NCOA7: variants seen among roughly 807,000 people sequenced by gnomAD.
NCOA7 encodes 140 kDa estrogen receptor-associated protein.
NCOA7 carries 45 observed loss-of-function variants against 104.3 expected under a neutral mutation model. That is an observed-to-expected ratio of 0.43 (90% CI 0.34 to 0.55). NCOA7 has a LOEUF of 0.55. NCOA7 is among the 20% of genes least tolerant of loss of function. NCOA7 has a pLI of 0.02. For missense variants in NCOA7, 1,041 were observed against 1,119.7 expected, an observed-to-expected ratio of 0.93 and a Z score of 1.00; for synonymous variants, 398 against 402.3, an observed-to-expected ratio of 0.99 and a Z score of 0.13.
chr6:125,783,118 A>C (rs1774300898), intron 1 of NCOA7, among the ~76,000 whole-genome samples: 1 of 152,136 alleles, frequency 6.6e-6, no homozygotes, highest in Admixed American at 6.5e-5. Flanking sequence ...CAACATCTTG[A>C]CTTTAGCCCA....
At chr6:125,906,913 A>G (rs555993581) in intron 10 of NCOA7, among the ~76,000 whole-genome samples, 1 of 152,348 alleles carries the variant, frequency 6.6e-6, no homozygotes, top group South Asian at 2.1e-4. Context: ...CTATGAAGTC[A>G]TATCCTCTCC....
intron 10 of NCOA7, among the ~76,000 whole-genome samples, chr6:125,891,900 C>T (rs1784650561): frequency 6.6e-6 from 1 of 152,172 alleles, no homozygotes; most frequent in African/African-American, 2.4e-5. Flanking sequence ...CCTGCAGCCC[C>T]CACAGCATCT....
chr6:125,880,478 A>G (rs1783732261), intron 5 of NCOA7, among the ~76,000 whole-genome samples: 1 of 149,890 alleles, frequency 6.7e-6, no homozygotes, highest in African/African-American at 2.5e-5. Context: ...ATACTTACCC[A>G]CCTTGCTCTC....
At chr6:125,821,284 A>G (rs1778153032) in intron 2 of NCOA7, among the ~76,000 whole-genome samples, 1 of 152,198 alleles carries the variant, frequency 6.6e-6, no homozygotes, top group Admixed American at 6.5e-5. Flanking sequence ...TCATCCCTAA[A>G]TATAATTTGA....
chr6:125,790,106 G>GT (rs1417771057), upstream of NCOA7, among the ~76,000 whole-genome samples: 3 of 152,334 alleles, frequency 2.0e-5, no homozygotes, highest in East Asian at 3.9e-4. Flanking sequence ...TCTTATTGCT[G>GT]TAATGACTGC....
chr6:125,861,309 A>T (rs913714206), intron 3 of NCOA7, among the ~76,000 whole-genome samples: 2 of 150,472 alleles, frequency 1.3e-5, no homozygotes, highest in African/African-American at 5.0e-5. Flanking sequence ...CTAACTACAC[A>T]TGTGAAGATT....
chr6:125,872,233 A>G (rs777868477), intron 3 of NCOA7, among the ~76,000 whole-genome samples: 1 of 152,204 alleles, frequency 6.6e-6, no homozygotes, highest in Non-Finnish European at 1.5e-5. Context: ...AGTTAAGTTT[A>G]TCCTGAAAGG....
intron 2 of NCOA7, among the ~76,000 whole-genome samples, chr6:125,836,369 G>C (rs1779609332): frequency 6.6e-6 from 1 of 152,120 alleles, no homozygotes; most frequent in African/African-American, 2.4e-5. Flanking sequence ...GGGACCCTTT[G>C]ATGTAGATGA....
intron 11 of NCOA7, among the ~76,000 whole-genome samples, chr6:125,916,150 A>C (rs1199398608): frequency 6.6e-6 from 1 of 152,108 alleles, no homozygotes; most frequent in Admixed American, 6.5e-5. Flanking sequence ...CATGATAGTG[A>C]GGGAGTTCTC....
chr6:125,928,928 T>C lies in NCOA7; in HGVS notation c.*157T>C. 1 of 790,916 alleles carries C rather than the reference T, an allele frequency of 1.3e-6. No individual in the cohort carries two copies. The highest frequency in any genetic ancestry group is 1.8e-5 in the African/African-American group (1 of 56,342). 49.0% of individuals were successfully genotyped at this position (790,916 alleles called of 1,614,324 possible). ...AGAGCATGATCACATTGCAGAAAGA[T>C]TCTGGAAGGTCCATGTAGAGGGCAG... On this transcript the variant is annotated 3_prime_UTR_variant, in exon 16 of 16. Coordinates refer to ENST00000392477, the MANE Select transcript of NCOA7 (RefSeq NM_181782.5).
At chr6:125,794,945 C>T (rs890259761) in intron 1 of NCOA7, among the ~76,000 whole-genome samples, 1 of 151,558 alleles carries the variant, frequency 6.6e-6, no homozygotes, top group Non-Finnish European at 1.5e-5. Flanking sequence ...CTGACCTTCG[C>T]GTCAGTGATT....
chr6:125,811,479 T>C lies in NCOA7; in HGVS notation c.-64-3812T>C, dbSNP rs535177910. On this transcript the variant is annotated intron_variant, in intron 1 of 15. Transcript: ENST00000392477. ...GCCTTGCAGTAAGTTATAGGTGATA[T>C]ATGAAATAAGCTCTTTAGGGGAGAG... 7.2e-5 allele frequency among the ~76,000 whole-genome samples: 11 copies of C among 152,282 alleles called. No homozygotes were observed. The East Asian group carries it at 1.9e-3, about 27-fold the overall frequency.
chr6:125,781,307 T>C (rs1478026832), exon 1 of NCOA7: 1 of 152,238 alleles, frequency 6.6e-6, no homozygotes, highest in Non-Finnish European at 1.5e-5. Context: ...AAATTTGTAA[T>C]GAACTTGCTC....
At chr6:125,904,211 G>T (rs941054677) in intron 10 of NCOA7, among the ~76,000 whole-genome samples, 1 of 152,048 alleles carries the variant, frequency 6.6e-6, no homozygotes, top group Non-Finnish European at 1.5e-5. Context: ...GGTAAGTCTT[G>T]TTCTTTTATT....
chr6:125,792,255 C>G (rs922859496), intron 1 of NCOA7, among the ~76,000 whole-genome samples: 1 of 152,146 alleles, frequency 6.6e-6, no homozygotes, highest in African/African-American at 2.4e-5. Context: ...AATAGGCAAA[C>G]TCAGTTATTT....
At chr6:125,790,316 C>A (rs1774708535), upstream of NCOA7, among the ~76,000 whole-genome samples, 1 of 152,240 alleles carries the variant, frequency 6.6e-6, no homozygotes, top group African/African-American at 2.4e-5. Flanking sequence ...TTACTTCCCA[C>A]GAAGAGTAGG....
In NCOA7 at chr6:125,890,597, C is replaced by T. The variant is rs548400680; in HGVS notation, c.1928-45C>T. The T allele has an allele frequency of 6.5e-6, 10 of 1,542,790 alleles. No individual in the cohort carries two copies. In the Admixed American group the frequency reaches 8.2e-5, roughly 13 times the overall value. On this transcript the variant is annotated intron_variant, in intron 9 of 15. Transcript: ENST00000392477. ...TTAAGTTGAAAAATTCTGCTATTACCAATATTGTCAATATTGAGGAACAGT... is the reference window on the plus strand; with the variant it reads ...TTAAGTTGAAAAATTCTGCTATTACTAATATTGTCAATATTGAGGAACAGT...
At chr6:125,814,863 C>T (rs1341541812) in intron 1 of NCOA7, among the ~76,000 whole-genome samples, 1 of 152,092 alleles carries the variant, frequency 6.6e-6, no homozygotes, top group African/African-American at 2.4e-5. Flanking sequence ...TTTAAAAAAA[C>T]ATTCTTGTAA....
rs1378485648 is a variant in NCOA7 at position 125,913,739 on chromosome 6, G to A, written c.2097-1594G>A. Reference sequence around the variant, plus strand: ...AAAAGACATGATTAATATAAAAAGGGAAACAACAGCTCGGAAACACATTTG... The same window carrying A: ...AAAAGACATGATTAATATAAAAAGGAAAACAACAGCTCGGAAACACATTTG... On this transcript the variant is annotated intron_variant, in intron 10 of 15. Coordinates refer to ENST00000392477, the MANE Select transcript of NCOA7 (RefSeq NM_181782.5). 3 of 801,148 alleles carry A rather than the reference G, an allele frequency of 3.7e-6. No individual in the cohort carries two copies. In the African/African-American group the frequency reaches 5.6e-5, roughly 15 times the overall value. The allele number at this position is 801,148 out of a possible 1,614,324, so 49.6% of individuals were successfully genotyped here. A position where few individuals can be genotyped will look rare whatever the true frequency, so the allele number is the denominator to read the frequency against.
Sources: gnomAD v4.1 joint callset for allele counts (sites outside exome capture counted in the v4.1 genomes callset) on GRCh38, gnomAD v4.1.1 for gene constraint, MANE v1.5 for transcripts, NCBI Gene and HGNC (gene_info 2026-07-23, HGNC 2026-07-21) for gene names.